The following PCDHA1 variants were observed in gnomAD, a reference collection of about 807,000 sequenced individuals.
The protein encoded by PCDHA1 is protocadherin alpha 1, also known as protocadherin alpha-1.
A neutral mutation model predicts 61.3 loss-of-function variants in PCDHA1; 42 were observed. The observed-to-expected ratio is 0.69, with a 90% CI of 0.54 to 0.89. The LOEUF is 0.89. PCDHA1 is among the 40% of genes least tolerant of loss of function. The probability of loss-of-function intolerance (pLI) is 0.00; values close to 1 mark genes in which losing one functional copy is unlikely to be tolerated. For synonymous variants in PCDHA1, 610 were observed against 553.8 expected (o/e 1.10, Z -1.43); for missense variants, 1,256 against 1,235.3 (o/e 1.02, Z -0.25).
At chr5:140,852,612 C>T (rs1177069451) in intron 1 of PCDHA1, 3 of 914,508 alleles carry the variant, frequency 3.3e-6, no homozygotes, top group Non-Finnish European at 4.0e-6. Context: ...TCTTTCAAAA[C>T]TTGAGTGGTC....
chr5:140,850,142 G>A lies in PCDHA1; in HGVS notation c.2394+61458G>A. 8.8e-6 allele frequency: 14 copies of A among 1,595,712 alleles called. 2 individuals are homozygous for A. Among genetic ancestry groups the A allele is most frequent in the Non-Finnish European group, 1.2e-5 (14 of 1,167,856 alleles). On this transcript the variant is annotated intron_variant, in intron 1 of 3. Transcript: ENST00000504120. ...GCGTGCCGCCTCTGGGCAGCAACGT[G>A]ACGCTGCAGGTGTTCGTGCTGGACG...
At chr5:140,796,594 C>G in intron 1 of PCDHA1, 1 of 1,612,524 alleles carries the variant, frequency 6.2e-7, no homozygotes, top group Non-Finnish European at 8.5e-7. Flanking sequence ...GGGCGTGCCG[C>G]CTCTGGGCAG....
At chr5:140,808,402 C>T (rs782426671) in intron 1 of PCDHA1, 4 of 1,614,062 alleles carry the variant, frequency 2.5e-6, no homozygotes, top group Non-Finnish European at 3.4e-6. Context: ...AGAATTACTA[C>T]TCGTTGGTGC....
chr5:140,828,034 A>T, intron 1 of PCDHA1: 1 of 1,527,332 alleles, frequency 6.5e-7, no homozygotes, highest in Middle Eastern at 1.8e-4. Flanking sequence ...CGGAACATAC[A>T]GTATTTTATC....
chr5:140,895,617 G>A (rs782388218), intron 1 of PCDHA1, among the ~76,000 whole-genome samples: 2 of 152,084 alleles, frequency 1.3e-5, no homozygotes, highest in Non-Finnish European at 2.9e-5. Context: ...CTCATTGAGG[G>A]TGTTGTCTTT....
Position 140,819,936 on chromosome 5 carries a change from C to T in PCDHA1, c.2394+31252C>T, listed in dbSNP as rs2150105515. ...TTGTTAATACTACATTGTTAATTTG[C>T]CTTTTAAATACTTAATATTTACTTT... On this transcript the variant is annotated intron_variant, in intron 1 of 3. Transcript: ENST00000504120. 1.6e-3 allele frequency among the ~76,000 whole-genome samples: 248 copies of T among 151,776 alleles called. 1 individual carries two copies. The highest frequency in any genetic ancestry group is 2.8e-3 in the Non-Finnish European group (192 of 67,758).
At chr5:140,851,249 A>G in intron 1 of PCDHA1, 1 of 1,094,194 alleles carries the variant, frequency 9.1e-7, no homozygotes, top group Non-Finnish European at 1.2e-6. Context: ...TAAATGATGC[A>G]TAGTATTTTA....
chr5:140,948,315 G>A (rs246048), intron 1 of PCDHA1, among the ~76,000 whole-genome samples: 85,363 of 151,182 alleles, frequency 0.56, 24,689 homozygotes, highest in African/African-American at 0.69. Context: ...TTCTTGAGGG[G>A]TAATGTTTTC....
intron 1 of PCDHA1, chr5:140,835,500 A>C: frequency 6.2e-7 from 1 of 1,613,942 alleles, no homozygotes; most frequent in Non-Finnish European, 8.5e-7. Flanking sequence ...CACATTGATT[A>C]GCGTGTTTGA....
chr5:140,963,177 T>A (rs1002604435), intron 1 of PCDHA1, among the ~76,000 whole-genome samples: 1 of 152,194 alleles, frequency 6.6e-6, no homozygotes, highest in East Asian at 1.9e-4. Flanking sequence ...CTTACAGATA[T>A]GCTGTAGACT....
Position 140,805,615 on chromosome 5 carries a change from A to G in PCDHA1, c.2394+16931A>G, listed in dbSNP as rs532601368. ...CTTTATATATTAAATTTCTTTATGT[A>G]AGAAAATGTATTGTGGTTTATTTAT... On this transcript the variant is annotated intron_variant, in intron 1 of 3. Transcript: ENST00000504120. 1.6e-5 allele frequency: 15 copies of G among 918,546 alleles called. No homozygotes were observed. The East Asian group carries it at 4.7e-4, about 29-fold the overall frequency. 56.9% of individuals were successfully genotyped at this position (918,546 alleles called of 1,614,324 possible).
At chr5:140,990,134 CAA>C (rs2097375582) in intron 3 of PCDHA1, among the ~76,000 whole-genome samples, 2 of 151,958 alleles carry the variant, frequency 1.3e-5, no homozygotes, top group Non-Finnish European at 2.9e-5. Flanking sequence ...AAGTCAGACT[CAA>C]GAGGCATAAT....
At chr5:140,851,092 A>T (rs371116217) in intron 1 of PCDHA1, 1 of 1,292,902 alleles carries the variant, frequency 7.7e-7, no homozygotes, top group African/African-American at 1.5e-5. Flanking sequence ...TATTAAATAG[A>T]TATTTTTTGG....
At chr5:140,909,624 G>A (rs2074611325) in intron 1 of PCDHA1, among the ~76,000 whole-genome samples, 1 of 152,092 alleles carries the variant, frequency 6.6e-6, no homozygotes, top group African/African-American at 2.4e-5. Context: ...GCTCTAATTG[G>A]TCTTCCTATT....
At chr5:140,986,246 C>G (rs561365390) in intron 3 of PCDHA1, among the ~76,000 whole-genome samples, 1 of 152,296 alleles carries the variant, frequency 6.6e-6, no homozygotes, top group South Asian at 2.1e-4. Flanking sequence ...TGAGCAGACC[C>G]GGACCACAGG....
chr5:140,828,449 G>A (rs2150155406), intron 1 of PCDHA1: 1 of 1,614,280 alleles, frequency 6.2e-7, no homozygotes, highest in African/African-American at 1.3e-5. Flanking sequence ...TTTCCATGTG[G>A]ACGTGGAGGT....
At chr5:140,926,708 C>T in intron 1 of PCDHA1, 2 of 896,260 alleles carry the variant, frequency 2.2e-6, no homozygotes, top group Non-Finnish European at 3.1e-6. Flanking sequence ...CCCAGCTGGC[C>T]AGCCCCGGCA....
intron 1 of PCDHA1, among the ~76,000 whole-genome samples, chr5:140,958,134 T>C (rs1235856780): frequency 6.6e-6 from 1 of 152,150 alleles, no homozygotes; most frequent in African/African-American, 2.4e-5. Flanking sequence ...TGTATCAGTG[T>C]GTATATTTAT....
intron 1 of PCDHA1, chr5:140,815,483 C>T (rs1343193235): frequency 1.3e-5 from 2 of 151,950 alleles, no homozygotes; most frequent in Admixed American, 1.3e-4. Context: ...TCTCCCCTAC[C>T]CAAATTTTAT....
Sources: gnomAD v4.1 joint callset for allele counts (sites outside exome capture counted in the v4.1 genomes callset) on GRCh38, gnomAD v4.1.1 for gene constraint, MANE v1.5 for transcripts, NCBI Gene and HGNC (gene_info 2026-07-23, HGNC 2026-07-21) for gene names.